The following RPE65 variants were observed in gnomAD, a reference collection of about 807,000 sequenced individuals.
The protein encoded by RPE65 is retinoid isomerohydrolase RPE65.
A neutral mutation model predicts 68.5 loss-of-function variants in RPE65; 58 were observed. That is an observed-to-expected ratio of 0.85 (90% CI 0.69 to 1.05). The LOEUF (loss-of-function observed/expected upper bound fraction) is 1.05, where lower values mean the gene tolerates loss of function less well. Among genes scored for constraint, RPE65 ranks in the 50% least tolerant of loss-of-function variants. The probability of loss-of-function intolerance (pLI) is 0.00; values close to 1 mark genes in which losing one functional copy is unlikely to be tolerated. For synonymous variants in RPE65, 220 were observed against 222.2 expected, an observed-to-expected ratio of 0.99 and a Z score of 0.09; for missense variants, 643 against 629.9, an observed-to-expected ratio of 1.02 and a Z score of -0.22.
chr1:68,444,698 T>C (rs1325999856), intron 4 of RPE65, 26 bp from the exon 5 acceptor site: 1 of 1,613,990 alleles, frequency 6.2e-7, no homozygotes, highest in Non-Finnish European at 8.5e-7. Flanking sequence ...AATTTTTCAG[T>C]CCAGTAATTT....
chr1:68,447,920 G>A (rs1645954759), intron 2 of RPE65, among the ~76,000 whole-genome samples: 2 of 152,126 alleles, frequency 1.3e-5, no homozygotes, highest in Non-Finnish European at 2.9e-5. Context: ...CCTTTGAGAA[G>A]GGCAGTGATT....
chr1:68,440,678 G>A (rs1645895618), intron 6 of RPE65, among the ~76,000 whole-genome samples, 175 bp downstream of exon 6: 1 of 152,174 alleles, frequency 6.6e-6, no homozygotes, highest in South Asian at 2.1e-4. Context: ...TTGATATGAT[G>A]CCCTTGGGCA....
At chr1:68,444,737 T>A (rs1221384070) in intron 4 of RPE65, 39 bp downstream of exon 4, 7 of 1,613,752 alleles carry the variant, frequency 4.3e-6, no homozygotes, top group Non-Finnish European at 5.9e-6. Flanking sequence ...AGGGCTAATA[T>A]AAAATGTCTT....
In RPE65 at chr1:68,438,138, G is replaced by T. The variant is rs778231195; in HGVS notation, c.1128+49C>A. 2.5e-6 allele frequency: 4 copies of T among 1,609,556 alleles called. No individual in the cohort carries two copies. In the South Asian group the frequency reaches 4.4e-5, roughly 18 times the overall value. On this transcript the variant is annotated intron_variant, in intron 10 of 13. Transcript: ENST00000262340. The stretch of plus-strand genomic sequence containing the variant: ...TGAGGCAGGAGGACAATTCCTGAGA[G>T]AGATGAAACATTCTGGTTAAATCTG...
At chr1:68,444,910 A>G (rs2100828619) in intron 3 of RPE65, 27 bp from the exon 4 acceptor site, 1 of 1,603,990 alleles carries the variant, frequency 6.2e-7, no homozygotes, top group Non-Finnish European at 8.5e-7. Context: ...CATAGGGAAG[A>G]GTATAGACAG....
At position 68,429,436 on chromosome 1, in the gene RPE65, A is replaced by G. The variant is rs1645804649; in HGVS notation, c.*340T>C. 3.5e-6 allele frequency: 1 copy of G among 285,290 alleles called. No homozygotes were observed. Among genetic ancestry groups the G allele is most frequent in the Non-Finnish European group, 6.7e-6 (1 of 148,424 alleles). 17.7% of individuals were successfully genotyped at this position (285,290 alleles called of 1,614,324 possible). ...TTGGTTTTTAAATGTTAAAAATATA[A>G]TTGGAGCAGATAGGTACCTAAAATA... On this transcript the variant is annotated 3_prime_UTR_variant, in exon 14 of 14. Coordinates refer to ENST00000262340, the MANE Select transcript of RPE65 (RefSeq NM_000329.3).
chr1:68,440,789 A>G, intron 6 of RPE65, 64 bp downstream of exon 6: 1 of 1,586,456 alleles, frequency 6.3e-7, no homozygotes, highest in South Asian at 1.1e-5. Flanking sequence ...TCTTTCTCAC[A>G]ATACAGTAAC....
chr1:68,440,811 A>G, intron 6 of RPE65, 42 bp downstream of exon 6: 1 of 1,609,110 alleles, frequency 6.2e-7, no homozygotes, highest in East Asian at 2.2e-5. Flanking sequence ...TTCTCACAAT[A>G]TAGACACTTA....
Position 68,448,756 on chromosome 1 carries a change from C to T in RPE65, c.12-50G>A, listed in dbSNP as rs182670797. ...GAAGCCCATGTTGATGCTCAAAGTC[C>T]GCAGAGATAGAGGCAGAGCTGCAGG... On this transcript the variant is annotated intron_variant, in intron 1 of 13. Coordinates refer to ENST00000262340, the MANE Select transcript of RPE65 (RefSeq NM_000329.3). 37 of 1,517,746 alleles carry T rather than the reference C, an allele frequency of 2.4e-5. No homozygotes were observed. In the South Asian group the frequency reaches 2.7e-4, roughly 11 times the overall value. 94.0% of individuals were successfully genotyped at this position (1,517,746 alleles called of 1,614,324 possible).
At chr1:68,441,693 A>G (rs1645903539) in intron 5 of RPE65, among the ~76,000 whole-genome samples, 1 of 152,196 alleles carries the variant, frequency 6.6e-6, no homozygotes, top group African/African-American at 2.4e-5. Context: ...GTTTAAGGAT[A>G]AAGAGCTAGA....
rs1010210529 is a variant in RPE65, at chr1:68,429,252, G to C, written c.*524C>G. 1 of 154,908 alleles carries C rather than the reference G, an allele frequency of 6.5e-6. No individual in the cohort carries two copies. The highest frequency in any genetic ancestry group is 6.4e-5 in the Admixed American group (1 of 15,720). The allele number at this position is 154,908 out of a possible 1,614,324, so 9.6% of individuals were successfully genotyped here. A position where few individuals can be genotyped will look rare whatever the true frequency, so the allele number is the denominator to read the frequency against. On this transcript the variant is annotated 3_prime_UTR_variant, in exon 14 of 14. Transcript: ENST00000262340. ...CATTCATAAGATTCATAATCTTTGAGCAGTTACGTATACGCAAAATAATTA... is the reference window on the plus strand; with the variant it reads ...CATTCATAAGATTCATAATCTTTGACCAGTTACGTATACGCAAAATAATTA...
At chr1:68,433,975 T>C (rs1039553514) in intron 10 of RPE65, among the ~76,000 whole-genome samples, 3 of 151,730 alleles carry the variant, frequency 2.0e-5, no homozygotes, top group African/African-American at 7.3e-5. Context: ...AAGTTCCTGG[T>C]GGAAATTGCA....
rs548537552 is a variant in RPE65, at chr1:68,431,461, A to G, written c.1243+10T>C. The G allele has an allele frequency of 2.7e-5, 43 of 1,613,596 alleles. No individual in the cohort carries two copies. In the Middle Eastern group the frequency reaches 1.3e-3, roughly 50 times the overall value. ...CACTCCCGTGTGAAGTTTTCTCTAG[A>G]TCATCTCACCTTGACGAGGCCCTGA... On this transcript the variant is annotated intron_variant, in intron 11 of 13. Transcript: ENST00000262340.
At chr1:68,445,850 T>C (rs1301641962) in intron 3 of RPE65, among the ~76,000 whole-genome samples, 1 of 151,966 alleles carries the variant, frequency 6.6e-6, no homozygotes, top group Non-Finnish European at 1.5e-5. Flanking sequence ...TACCCTGCTC[T>C]GTCGAAGGTA....
intron 10 of RPE65, among the ~76,000 whole-genome samples, chr1:68,437,333 A>G (rs1445498190): frequency 2.0e-5 from 3 of 152,128 alleles, no homozygotes; most frequent in Non-Finnish European, 4.4e-5. Context: ...CCTTGCCTTT[A>G]TAGACGCCCC....
intron 10 of RPE65, among the ~76,000 whole-genome samples, chr1:68,435,221 C>G (rs2100812951): frequency 6.6e-6 from 1 of 151,800 alleles, no homozygotes; most frequent in Admixed American, 6.6e-5. Flanking sequence ...TCTGGCTTCT[C>G]TTGTTTCTAC....
chr1:68,434,121 C>T (rs1308943018), intron 10 of RPE65, among the ~76,000 whole-genome samples: 2 of 150,558 alleles, frequency 1.3e-5, no homozygotes, highest in African/African-American at 4.9e-5. Flanking sequence ...TATATACACA[C>T]ACACACACAC....
At position 68,440,463 on chromosome 1, in the gene RPE65, C is replaced by T. The variant is rs115687982; in HGVS notation, c.643+390G>A. Among the ~76,000 whole-genome samples the T allele has an allele frequency of 6.4e-3, 975 of 152,224 alleles. 7 individuals carry two copies. The highest frequency in any genetic ancestry group is 0.022 in the African/African-American group (918 of 41,530). On this transcript the variant is annotated intron_variant, in intron 6 of 13. Transcript: ENST00000262340. ...AAGCGCAACATATTTAGTACACTCT[C>T]ATATATGTATGTATGCTATTATGCA...
intron 13 of RPE65, 46 bp from the exon 14 acceptor site, chr1:68,429,973 C>A: frequency 6.2e-7 from 1 of 1,607,122 alleles, no homozygotes; most frequent in South Asian, 1.1e-5. Flanking sequence ...TTTAAAAGCC[C>A]AAGCTATAGA....
Sources: gnomAD v4.1 joint callset for allele counts (sites outside exome capture counted in the v4.1 genomes callset) on GRCh38, gnomAD v4.1.1 for gene constraint, MANE v1.5 for transcripts, NCBI Gene and HGNC (gene_info 2026-07-23, HGNC 2026-07-21) for gene names.